The following MPP3 variants were observed in gnomAD, a reference collection of about 807,000 sequenced individuals.
MPP3 encodes MAGUK p55 subfamily member 3.
A neutral mutation model predicts 80.7 loss-of-function variants in MPP3; 48 were observed. The observed-to-expected ratio is 0.59, with a 90% CI of 0.47 to 0.76. The LOEUF (loss-of-function observed/expected upper bound fraction) is 0.76, where lower values mean the gene tolerates loss of function less well. Among genes scored for constraint, MPP3 ranks in the 30% least tolerant of loss-of-function variants. The pLI, the probability that MPP3 is intolerant of heterozygous loss-of-function variation, is 0.00. For synonymous variants in MPP3, 311 were observed against 297.6 expected, an observed-to-expected ratio of 1.04 and a Z score of -0.46; for missense variants, 620 against 763.0, an observed-to-expected ratio of 0.81 and a Z score of 2.21.
rs2045163994 is a variant in MPP3 at position 43,816,792 on chromosome 17, CCCG to C, written c.947-98_947-96del. ...AGCCACGGCCCGAGTGCCTGAGGAG[CCCG>C]CCATCTGGCCTCTTTCCCTTTCCTC... On this transcript the variant is annotated intron_variant, in intron 12 of 19. Transcript: ENST00000398389. 2.5e-6 allele frequency: 3 copies of C among 1,177,256 alleles called. No homozygotes were observed. The South Asian group carries it at 3.9e-5, about 15-fold the overall frequency. The allele number at this position is 1,177,256 out of a possible 1,614,324, so 72.9% of individuals were successfully genotyped here. A position where few individuals can be genotyped will look rare whatever the true frequency, so the allele number is the denominator to read the frequency against.
intron 2 of MPP3, among the ~76,000 whole-genome samples, chr17:43,832,532 G>T (rs1346466362): frequency 6.6e-6 from 1 of 152,188 alleles, no homozygotes; most frequent in Non-Finnish European, 1.5e-5. Context: ...CTTCCACTAT[G>T]CAGGAGGGGG....
At chr17:43,813,545 T>A (rs1167901714) in intron 16 of MPP3, among the ~76,000 whole-genome samples, 1 of 152,070 alleles carries the variant, frequency 6.6e-6, no homozygotes, top group Admixed American at 6.5e-5. Context: ...CACCCAGGAA[T>A]GTACCCAGCT....
chr17:43,811,530 C>G, intron 16 of MPP3: 1 of 290,696 alleles, frequency 3.4e-6, no homozygotes. Flanking sequence ...GCCAAATGCC[C>G]AGCTTATACC....
At chr17:43,803,720 A>G (rs1400332307) in intron 19 of MPP3, among the ~76,000 whole-genome samples, 1 of 152,176 alleles carries the variant, frequency 6.6e-6, no homozygotes, top group Non-Finnish European at 1.5e-5. Context: ...ACCACATGAA[A>G]GGCTGTGTGT....
chr17:43,821,024 C>T lies in MPP3; in HGVS notation c.719G>A (p.Arg240Gln), dbSNP rs201632095. 3.1e-4 allele frequency: 500 copies of T among 1,613,986 alleles called. 1 individual carries two copies. Among genetic ancestry groups the T allele is most frequent in the East Asian group, 9.1e-4 (41 of 44,878 alleles). Residue 240 changes from arginine to glutamine, a missense_variant, in exon 11 of 20, where the codon CGG (arginine) becomes CAG (glutamine). Coordinates refer to ENST00000398389, the MANE Select transcript of MPP3 (RefSeq NM_001932.6). ...FMRALFHYNPREDRAIPCQEA... is the reference protein window; with the variant it reads ...FMRALFHYNPQEDRAIPCQEA... ...CTGGCAAGGGATGGCCCGGTCCTCC[C>T]GAGGGTTGTAGTGGAAGAGGGCGCG... is the stretch of plus-strand genomic sequence containing the variant.
chr17:43,803,532 G>A (rs1056857951), intron 19 of MPP3, among the ~76,000 whole-genome samples: 3 of 152,076 alleles, frequency 2.0e-5, no homozygotes, highest in South Asian at 2.1e-4. Flanking sequence ...CAGCTTTGCC[G>A]GGTCAGAAGC....
Position 43,830,038 on chromosome 17 carries a change from G to C in MPP3, c.292C>G (p.Pro98Ala). 6.3e-7 allele frequency: 1 copy of C among 1,599,106 alleles called. No individual in the cohort carries two copies. ...ERELLQLLST[P>A]HLRAVLMVHD... ...CTCTGTGTGACTACCCTCAGGTGCG[G>C]GGTGGACAGCAGCTGGAGCAGCTCC... Residue 98 changes from proline to alanine, a missense_variant, in exon 6 of 20, where the codon CCG becomes GCG. Pro to Ala is a conservative substitution (Grantham distance 27). Coordinates refer to ENST00000398389, the MANE Select transcript of MPP3 (RefSeq NM_001932.6).
At position 43,823,951 on chromosome 17, in the gene MPP3, C is replaced by T. The variant is rs753427876; in HGVS notation, c.664G>A (p.Asp222Asn). 2 of 1,611,056 alleles carry T rather than the reference C, an allele frequency of 1.2e-6. No individual in the cohort carries two copies. The highest frequency in any genetic ancestry group is 3.4e-5 in the Admixed American group (2 of 59,564). ...LKIIPATQEE[D>N]RLKESKVFMR... ...CATACCTTGCTCTCCTTTAAGCGAT[C>T]TTCCTCCTGGGTGGCTGGGATGATT... Residue 222 changes from aspartate (D) to asparagine (N), a missense_variant, in exon 10 of 20, where the codon GAT becomes AAT. Coordinates refer to ENST00000398389, the MANE Select transcript of MPP3 (RefSeq NM_001932.6).
chr17:43,808,089 T>TA (rs1490873667), intron 19 of MPP3, among the ~76,000 whole-genome samples: 2 of 152,096 alleles, frequency 1.3e-5, no homozygotes, highest in Non-Finnish European at 2.9e-5. Context: ...TCCCTGTCTT[T>TA]AAAAAAATAA....
At chr17:43,818,323 T>C (rs1413808996) in intron 11 of MPP3, among the ~76,000 whole-genome samples, 2 of 152,158 alleles carry the variant, frequency 1.3e-5, no homozygotes, top group South Asian at 2.1e-4. Flanking sequence ...ACTGAGTCTC[T>C]TGCTCCAGAA....
At chr17:43,820,749 G>A (rs567523072) in intron 11 of MPP3, 113 bp downstream of exon 11, 9 of 935,576 alleles carry the variant, frequency 9.6e-6, no homozygotes, top group South Asian at 3.3e-5. Flanking sequence ...TACCTTGGGG[G>A]AACAATGCTC....
At chr17:43,824,856 C>T (rs1428931344) in intron 9 of MPP3, among the ~76,000 whole-genome samples, 1 of 152,144 alleles carries the variant, frequency 6.6e-6, no homozygotes, top group Non-Finnish European at 1.5e-5. Context: ...CTCCCTGCAA[C>T]CTCCACCTCC....
At chr17:43,829,833 C>A in intron 6 of MPP3, 42 bp from the exon 7 acceptor site, 1 of 1,612,174 alleles carries the variant, frequency 6.2e-7, no homozygotes, top group Non-Finnish European at 8.5e-7. Context: ...GCCCGCCGCT[C>A]ACAGGGTCAG....
intron 8 of MPP3, among the ~76,000 whole-genome samples, chr17:43,827,324 T>C (rs1019086623): frequency 2.1e-5 from 3 of 143,562 alleles, no homozygotes; most frequent in Non-Finnish European, 4.6e-5. Flanking sequence ...CTTTTTTTTT[T>C]TTTTCTTTTT....
chr17:43,821,636 C>T (rs984408732), intron 10 of MPP3, among the ~76,000 whole-genome samples: 1 of 152,218 alleles, frequency 6.6e-6, no homozygotes, highest in East Asian at 1.9e-4. Context: ...CCTAATTCCC[C>T]CCTCTGCTCT....
At position 43,821,019 on chromosome 17, in the gene MPP3, C is replaced by A; in HGVS notation, c.724G>T (p.Asp242Tyr). ...GCCTCCTGGCAAGGGATGGCCCGGT[C>A]CTCCCGAGGGTTGTAGTGGAAGAGG... ...RALFHYNPRE[D>Y]RAIPCQEAGL... Residue 242 changes from aspartate (D) to tyrosine (Y), a missense_variant, in exon 11 of 20, where the codon GAC (aspartate) becomes TAC (tyrosine). Physicochemically the swap from Asp to Tyr is radical, Grantham distance 160. Transcript: ENST00000398389. The A allele has an allele frequency of 6.2e-7, 1 of 1,614,024 alleles. No homozygotes were observed. The highest frequency in any genetic ancestry group is 8.5e-7 in the Non-Finnish European group (1 of 1,179,970).
intron 16 of MPP3, among the ~76,000 whole-genome samples, chr17:43,812,540 A>G (rs971461864): frequency 6.6e-6 from 1 of 152,176 alleles, no homozygotes; most frequent in Non-Finnish European, 1.5e-5. Flanking sequence ...CCCTTTGCAC[A>G]TGTTGTTTCC....
At chr17:43,807,097 G>C (rs183202942) in intron 19 of MPP3, among the ~76,000 whole-genome samples, 2 of 150,324 alleles carry the variant, frequency 1.3e-5, no homozygotes, top group African/African-American at 2.5e-5. Context: ...TCAGCCTCCC[G>C]AGTAGCTGGG....
At chr17:43,827,351 A>T (rs1598364121) in intron 8 of MPP3, among the ~76,000 whole-genome samples, 2 of 118,830 alleles carry the variant, frequency 1.7e-5, no homozygotes, top group Non-Finnish European at 1.7e-5. Flanking sequence ...TTTTTGAGAC[A>T]GAGTCTCACT....
Sources: allele counts gnomAD v4.1 joint callset (sites outside exome capture counted in the v4.1 genomes callset), GRCh38; gene constraint gnomAD v4.1.1; transcripts MANE v1.5; gene names NCBI Gene and HGNC (gene_info 2026-07-23, HGNC 2026-07-21).